RACGAP1: variants seen among roughly 807,000 people sequenced by gnomAD.
RACGAP1 encodes the protein rac GTPase-activating protein 1.
In RACGAP1, 30 loss-of-function variants were observed where a neutral mutation model predicts 78.1. The observed-to-expected ratio is 0.38, with a 90% confidence interval of 0.29 to 0.52. The LOEUF is 0.52. Among genes scored for constraint, RACGAP1 ranks in the 20% least tolerant of loss-of-function variants. The pLI is 0.82. For missense variants in RACGAP1, 587 were observed against 777.1 expected, an observed-to-expected ratio of 0.76 and a Z score of 2.91; for synonymous variants, 231 against 264.8, an observed-to-expected ratio of 0.87 and a Z score of 1.24.
intron 12 of RACGAP1, among the ~76,000 whole-genome samples, chr12:49,992,983 C>T (rs1565657788): frequency 6.6e-6 from 1 of 152,170 alleles, no homozygotes; most frequent in Non-Finnish European, 1.5e-5. Context: ...CTACGATGTG[C>T]CAGGTACAAG....
upstream of RACGAP1, among the ~76,000 whole-genome samples, chr12:50,028,715 T>C (rs1565714931): frequency 6.6e-6 from 1 of 151,978 alleles, no homozygotes; most frequent in Non-Finnish European, 1.5e-5. Context: ...CAGGTCGCGG[T>C]GAGCTGAGAT....
intron 1 of RACGAP1, among the ~76,000 whole-genome samples, chr12:50,021,382 A>G (rs1484158638): frequency 6.6e-6 from 1 of 152,238 alleles, no homozygotes; most frequent in Middle Eastern, 3.2e-3. Context: ...GGGGAACCCC[A>G]GAGGTGGAGA....
intron 1 of RACGAP1, among the ~76,000 whole-genome samples, chr12:50,018,032 C>G (rs930526766): frequency 1.3e-4 from 20 of 151,938 alleles, no homozygotes; most frequent in Admixed American, 9.8e-4. Context: ...GTTATGTGTG[C>G]CTGTAATTCC....
chr12:50,014,384 C>T (rs1473261471), intron 2 of RACGAP1, among the ~76,000 whole-genome samples: 1 of 152,098 alleles, frequency 6.6e-6, no homozygotes, highest in Admixed American at 6.6e-5. Context: ...CTTTTTCTCC[C>T]CAGCTCACCA....
At chr12:50,026,345 A>C (rs536510508), upstream of RACGAP1, among the ~76,000 whole-genome samples, 47 of 149,430 alleles carry the variant, frequency 3.1e-4, no homozygotes, top group Middle Eastern at 3.4e-3. Flanking sequence ...ATTGGTCCTT[A>C]ATTTAAAAAA....
upstream of RACGAP1, chr12:50,025,553 C>CG (rs1950244869): frequency 1.1e-5 from 11 of 985,242 alleles, no homozygotes; most frequent in South Asian, 5.2e-4. Context: ...TACGGTGTGA[C>CG]GTACGCGTCA....
chr12:49,996,655 A>AAAAAAAAAAAAAAAAAG (rs1948297602), intron 10 of RACGAP1, among the ~76,000 whole-genome samples: 1 of 143,540 alleles, frequency 7.0e-6, no homozygotes. Context: ...AAAAAAAAAA[A>AAAAAAAAAAAAAAAAAG]AAAAAAAAAA....
At chr12:50,003,201 A>G (rs551611238) in intron 5 of RACGAP1, among the ~76,000 whole-genome samples, 223 of 152,296 alleles carry the variant, frequency 1.5e-3, no homozygotes, top group Non-Finnish European at 1.7e-3. Flanking sequence ...CCCTGAAAAC[A>G]GTATCTAGAA....
At chr12:50,033,223 G>C (rs1950350960), upstream of RACGAP1, 1 of 152,078 alleles carries the variant, frequency 6.6e-6, no homozygotes, top group South Asian at 2.1e-4. Context: ...ATTACACCAA[G>C]AAGCTTTGAG....
intron 1 of RACGAP1, among the ~76,000 whole-genome samples, chr12:50,017,902 A>T (rs1949767022): frequency 6.6e-6 from 1 of 152,360 alleles, no homozygotes; most frequent in South Asian, 2.1e-4. Flanking sequence ...CACGCCTGTA[A>T]TCCCAGCACT....
intron 2 of RACGAP1, among the ~76,000 whole-genome samples, chr12:50,014,586 A>G (rs1034293820): frequency 2.6e-5 from 4 of 152,052 alleles, no homozygotes; most frequent in Non-Finnish European, 5.9e-5. Context: ...TGTTTTTGAA[A>G]CAGGGTCTCG....
At position 49,999,678 on chromosome 12, in the gene RACGAP1, G is replaced by A; in HGVS notation, c.686C>T (p.Pro229Leu). The part of the protein sequence containing the change: ...TTVTVPNDGG[P>L]IEAVSTIETV... ...CTCAATAGTGGACACAGCTTCGATG[G>A]GCCCGCCATCATTGGGAACAGTCAC... Residue 229 changes from proline (P) to leucine (L), a missense_variant, in exon 8 of 17, where the codon CCC (proline) becomes CTC (leucine). Transcript: ENST00000312377. The A allele has an allele frequency of 6.2e-7, 1 of 1,614,158 alleles. No homozygotes were observed. The highest frequency in any genetic ancestry group is 8.5e-7 in the Non-Finnish European group (1 of 1,180,036).
intron 3 of RACGAP1, 31 bp downstream of exon 3, chr12:50,006,403 T>C (rs1348152178): frequency 6.2e-7 from 1 of 1,611,314 alleles, no homozygotes; most frequent in East Asian, 2.2e-5. Flanking sequence ...TCCTGCATCA[T>C]CACTGTTCTA....
rs1948845979 is a variant in RACGAP1, at chr12:50,004,272, A to G, written c.458T>C (p.Leu153Ser). ...AGTCTTGTCAAAGCTGATATCTGATAAAATGGAACCAGATTCATCAATGGT... is the reference window on the plus strand; with the variant it reads ...AGTCTTGTCAAAGCTGATATCTGATGAAATGGAACCAGATTCATCAATGGT... The part of the protein sequence containing the change: ...LSTIDESGSI[L>S]SDISFDKTDE... The change falls in exon 5 of 17, where the codon TTA becomes TCA. Residue 153 changes from leucine (L) to serine (S), a missense_variant. Transcript: ENST00000312377. The G allele has an allele frequency of 6.2e-7, 1 of 1,605,806 alleles. No homozygotes were observed. The highest frequency in any genetic ancestry group is 8.5e-7 in the Non-Finnish European group (1 of 1,173,266).
At chr12:49,991,348 T>C (rs531449240) in intron 15 of RACGAP1, among the ~76,000 whole-genome samples, 6 of 149,828 alleles carry the variant, frequency 4.0e-5, no homozygotes, top group African/African-American at 1.5e-4. Context: ...AATTGAAAAA[T>C]AATGTTAATA....
chr12:50,000,018 A>ATGTTTTTTTTTTTTTG (rs1555172403), intron 7 of RACGAP1, among the ~76,000 whole-genome samples: 2 of 99,642 alleles, frequency 2.0e-5, no homozygotes, highest in Admixed American at 2.9e-4. Context: ...CACCTGACTG[A>ATGTTTTTTTTTTTTTG]TTTTTTTTTT....
upstream of RACGAP1, chr12:50,025,659 G>A (rs965003920): frequency 3.2e-6 from 2 of 633,030 alleles, no homozygotes; most frequent in Non-Finnish European, 3.9e-6. Context: ...ACGGTTTTTC[G>A]GTTTTTTTTG....
At chr12:50,013,224 G>A (rs778505319) in intron 2 of RACGAP1, among the ~76,000 whole-genome samples, 2 of 152,102 alleles carry the variant, frequency 1.3e-5, no homozygotes, top group Non-Finnish European at 2.9e-5. Flanking sequence ...TATCTTGGGA[G>A]ATTTTTGGCA....
At chr12:50,009,670 TA>T (rs1233335256) in intron 2 of RACGAP1, among the ~76,000 whole-genome samples, 1 of 152,184 alleles carries the variant, frequency 6.6e-6, no homozygotes, top group Admixed American at 6.6e-5. Flanking sequence ...CTGTTCAAAT[TA>T]AATTTACCAG....
Sources: allele counts gnomAD v4.1 joint callset (sites outside exome capture counted in the v4.1 genomes callset), GRCh38; gene constraint gnomAD v4.1.1; transcripts MANE v1.5; gene names NCBI Gene and HGNC (gene_info 2026-07-23, HGNC 2026-07-21).